Variants in PDXDC1 observed in about 807,000 individuals in gnomAD.
PDXDC1 encodes pyridoxal dependent decarboxylase domain containing 1.
In PDXDC1, 42 loss-of-function variants were observed where a neutral mutation model predicts 100.1. That is an observed-to-expected ratio of 0.42 (90% CI 0.33 to 0.54). The LOEUF is 0.54. Among genes scored for constraint, PDXDC1 ranks in the 20% least tolerant of loss-of-function variants. PDXDC1 has a pLI of 0.10. For missense variants in PDXDC1, 636 were observed against 979.2 expected, an observed-to-expected ratio of 0.65 and a Z score of 4.68; for synonymous variants, 260 against 371.7, an observed-to-expected ratio of 0.70 and a Z score of 3.46.
At chr16:14,994,265 G>A (rs1290099698) in intron 1 of PDXDC1, among the ~76,000 whole-genome samples, 1 of 152,248 alleles carries the variant, frequency 6.6e-6, no homozygotes, top group Non-Finnish European at 1.5e-5. Context: ...GGGTTTTTAT[G>A]GTTTTAGGTC....
chr16:14,990,489 G>A (rs1179957702), intron 1 of PDXDC1, among the ~76,000 whole-genome samples: 1 of 152,294 alleles, frequency 6.6e-6, no homozygotes, highest in African/African-American at 2.4e-5. Context: ...TGAAGACGCT[G>A]TTTTTAGTTT....
At chr16:15,133,240 G>A (rs941547321) in intron 16 of PDXDC1, 7 of 1,440,662 alleles carry the variant, frequency 4.9e-6, no homozygotes, top group South Asian at 1.2e-5. Flanking sequence ...GCAGATGTGA[G>A]GTCCCCTGCC....
intron 16 of PDXDC1, chr16:15,134,075 C>T (rs1776569913): frequency 1.3e-6 from 2 of 1,572,162 alleles, no homozygotes; most frequent in Non-Finnish European, 8.6e-7. Context: ...CAGCCCACCG[C>T]TGCAGGCAGA....
At chr16:15,007,310 A>G (rs1026781394) in intron 6 of PDXDC1, among the ~76,000 whole-genome samples, 18 of 152,200 alleles carry the variant, frequency 1.2e-4, no homozygotes, top group Non-Finnish European at 2.6e-4. Context: ...AGCTGGGACT[A>G]CAGGTGCCCG....
chr16:15,084,472 G>C (rs540543818), intron 16 of PDXDC1, among the ~76,000 whole-genome samples: 9 of 152,146 alleles, frequency 5.9e-5, no homozygotes, highest in South Asian at 2.1e-4. Context: ...AGAATAAATA[G>C]AAAATGGAAA....
the PDXDC1 span, among the ~76,000 whole-genome samples, chr16:15,148,709 T>C: frequency 2.0e-5 from 3 of 151,842 alleles, no homozygotes; most frequent in Non-Finnish European, 4.4e-5. Context: ...CTGTCTGTTG[T>C]TGAATCATAG....
At chr16:15,103,347 T>A in intron 16 of PDXDC1, 1 of 608,044 alleles carries the variant, frequency 1.6e-6, no homozygotes, top group South Asian at 2.0e-5. Context: ...AATCAGAGCG[T>A]CCTGTGCGGT....
At chr16:15,085,052 C>T (rs913927335) in intron 16 of PDXDC1, among the ~76,000 whole-genome samples, 2 of 151,814 alleles carry the variant, frequency 1.3e-5, no homozygotes, top group Middle Eastern at 3.2e-3. Flanking sequence ...GGCAACAGAG[C>T]GAGACTCTGT....
intron 16 of PDXDC1, 49 bp from the exon 17 acceptor site, chr16:15,031,686 G>A (rs200908790): frequency 6.5e-7 from 1 of 1,538,242 alleles, no homozygotes; most frequent in South Asian, 1.1e-5. Context: ...CTGCCCTCTT[G>A]TCATTGGCCA....
chr16:15,031,594 C>T (rs1262393546), intron 16 of PDXDC1, 141 bp from the exon 17 acceptor site: 2 of 646,096 alleles, frequency 3.1e-6, no homozygotes, highest in African/African-American at 1.8e-5. Context: ...TGTTGAGGGC[C>T]TTTTTTTGTT....
At chr16:15,141,890 C>G (rs2048480977), downstream of PDXDC1, among the ~76,000 whole-genome samples, 1 of 152,198 alleles carries the variant, frequency 6.6e-6, no homozygotes, top group Non-Finnish European at 1.5e-5. Flanking sequence ...TGCAGTTAGA[C>G]CTGAGGAGGG....
At chr16:15,046,116 C>A (rs1227854568) in intron 16 of PDXDC1, 1 of 152,256 alleles carries the variant, frequency 6.6e-6, no homozygotes, top group Non-Finnish European at 1.5e-5. Context: ...CCTGCGGGGG[C>A]CAAGATGATA....
rs2041078924 is a variant in PDXDC1, at chr16:15,009,517, T to C, written c.649-164T>C. The C allele has an allele frequency of 7.2e-6, 8 of 1,108,728 alleles. No homozygotes were observed. In the South Asian group the frequency reaches 1.6e-4, roughly 23 times the overall value. The allele number at this position is 1,108,728 out of a possible 1,614,324, so 68.7% of individuals were successfully genotyped here. A position where few individuals can be genotyped will look rare whatever the true frequency, so the allele number is the denominator to read the frequency against. On this transcript the variant is annotated intron_variant, in intron 7 of 22. Transcript: ENST00000396410. Reference sequence around the variant, plus strand: ...TTTCTAGTCTTCAAGGAAAACTATTTGATTTTCACATCTATGATGAGAGAA... The same window carrying C: ...TTTCTAGTCTTCAAGGAAAACTATTCGATTTTCACATCTATGATGAGAGAA...
chr16:14,999,981 A>G (rs1363362092), intron 3 of PDXDC1, among the ~76,000 whole-genome samples: 1 of 152,284 alleles, frequency 6.6e-6, no homozygotes, highest in African/African-American at 2.4e-5. Flanking sequence ...GAAGGATCAC[A>G]GTGTGCCAAT....
chr16:15,073,087 A>C, intron 16 of PDXDC1: 2 of 1,603,152 alleles, frequency 1.2e-6, no homozygotes, highest in East Asian at 4.5e-5. Flanking sequence ...TTACCTATGG[A>C]GAAAATCTGG....
chr16:14,986,276 G>A (rs536973486), intron 1 of PDXDC1, among the ~76,000 whole-genome samples: 33 of 152,376 alleles, frequency 2.2e-4, no homozygotes, highest in African/African-American at 6.0e-4. Flanking sequence ...AGTTTGACCC[G>A]GCCAACATGG....
intron 16 of PDXDC1, among the ~76,000 whole-genome samples, 177 bp downstream of exon 16, chr16:15,030,233 C>T (rs995901818): frequency 3.3e-5 from 5 of 152,238 alleles, no homozygotes. Context: ...TTACCAGAAT[C>T]AGAATGAGAA....
intron 16 of PDXDC1, 104 bp from the exon 17 acceptor site, chr16:15,031,631 G>A: frequency 1.1e-6 from 1 of 911,882 alleles, no homozygotes; most frequent in Non-Finnish European, 1.7e-6. Flanking sequence ...CCGGTAACTG[G>A]AGTACCTCGA....
At chr16:15,131,214 C>G (rs1334615211) in intron 16 of PDXDC1, 1 of 1,590,330 alleles carries the variant, frequency 6.3e-7, no homozygotes, top group Non-Finnish European at 8.5e-7. Context: ...TGCGGTGGCC[C>G]CGGGCAGCCC....
Sources: gnomAD v4.1 joint callset for allele counts (sites outside exome capture counted in the v4.1 genomes callset) on GRCh38, gnomAD v4.1.1 for gene constraint, MANE v1.5 for transcripts, NCBI Gene and HGNC (gene_info 2026-07-23, HGNC 2026-07-21) for gene names.